RELN: variants seen among roughly 807,000 people sequenced by gnomAD.
RELN encodes the protein reelin.
A neutral mutation model predicts 427.6 loss-of-function variants in RELN; 108 were observed. That is an observed-to-expected ratio of 0.25 (90% CI 0.22 to 0.30). RELN has a LOEUF of 0.30. Ranked by LOEUF, RELN falls within the 10% of genes least tolerant of loss-of-function variation. The pLI, the probability that RELN is intolerant of heterozygous loss-of-function variation, is 1.00. For missense variants in RELN, 3,715 were observed against 4,302.8 expected, an observed-to-expected ratio of 0.86 and a Z score of 3.82; for synonymous variants, 1,524 against 1,513.4, an observed-to-expected ratio of 1.01 and a Z score of -0.16.
At chr7:103,790,153 G>A (rs977255040) in intron 3 of RELN, among the ~76,000 whole-genome samples, 10 of 152,118 alleles carry the variant, frequency 6.6e-5, no homozygotes, top group Admixed American at 5.9e-4. Flanking sequence ...ATGCCCACAG[G>A]GAGGGGAACA....
chr7:103,839,144 G>A (rs1477780333), intron 2 of RELN, among the ~76,000 whole-genome samples: 1 of 152,122 alleles, frequency 6.6e-6, no homozygotes, highest in Non-Finnish European at 1.5e-5. Flanking sequence ...TGGTGTCAAT[G>A]TACAGTTTGA....
rs147464571 is a variant in RELN at position 103,657,392 on chromosome 7, G to T, written c.1442-3187C>A. On this transcript the variant is annotated intron_variant, in intron 12 of 64. Coordinates refer to ENST00000428762, the MANE Select transcript of RELN (RefSeq NM_005045.4). ...GGATTATATATAAATACGTATATAT[G>T]ACAATATATACATATAAGGATATTT... Among the ~76,000 whole-genome samples, 37 of 151,878 alleles carry T rather than the reference G, an allele frequency of 2.4e-4. No homozygotes were observed. In the East Asian group the frequency reaches 7.2e-3, roughly 29 times the overall value.
intron 24 of RELN, among the ~76,000 whole-genome samples, chr7:103,598,468 A>G (rs147574955): frequency 8.9e-4 from 135 of 152,356 alleles, no homozygotes; most frequent in African/African-American, 3.2e-3. Flanking sequence ...ATTCCAGTCC[A>G]GCAAACTCCT....
intron 1 of RELN, among the ~76,000 whole-genome samples, chr7:103,980,600 T>C (rs1796970511): frequency 6.6e-6 from 1 of 152,216 alleles, no homozygotes; most frequent in African/African-American, 2.4e-5. Flanking sequence ...TTTGCCATCT[T>C]GGGCAAAACA....
At chr7:103,939,319 T>C (rs1796059958) in intron 1 of RELN, among the ~76,000 whole-genome samples, 1 of 152,136 alleles carries the variant, frequency 6.6e-6, no homozygotes, top group Non-Finnish European at 1.5e-5. Context: ...TTGTAGTGAT[T>C]AGATAGAAAA....
intron 5 of RELN, 108 bp from the exon 6 acceptor site, chr7:103,749,612 T>A: frequency 1.2e-6 from 1 of 800,334 alleles, no homozygotes; most frequent in Non-Finnish European, 2.2e-6. Flanking sequence ...ATCCTAAAAC[T>A]AAATTTTAAA....
At chr7:103,562,238 T>C (rs1196311475) in intron 34 of RELN, among the ~76,000 whole-genome samples, 1 of 152,236 alleles carries the variant, frequency 6.6e-6, no homozygotes, top group Non-Finnish European at 1.5e-5. Flanking sequence ...TTTTGAACTA[T>C]CCACTTGTTT....
chr7:103,795,678 T>G (rs1792282550), intron 3 of RELN, among the ~76,000 whole-genome samples: 1 of 152,196 alleles, frequency 6.6e-6, no homozygotes. Context: ...AAAGGTATAG[T>G]CAAAAGTGAA....
Position 103,513,824 on chromosome 7 carries a change from A to T in RELN, c.8119+1361T>A, listed in dbSNP as rs1005451920. 6 of 152,270 alleles carry T rather than the reference A, an allele frequency of 3.9e-5. No individual in the cohort carries two copies. The East Asian group carries it at 1.2e-3, about 29-fold the overall frequency. The allele number at this position is 152,270 out of a possible 1,614,324, so 9.4% of individuals were successfully genotyped here. A position where few individuals can be genotyped will look rare whatever the true frequency, so the allele number is the denominator to read the frequency against. On this transcript the variant is annotated intron_variant, in intron 50 of 64. Coordinates refer to ENST00000428762, the MANE Select transcript of RELN (RefSeq NM_005045.4). Reference sequence around the variant, plus strand: ...AATTTAAGACTATAATTTTGTTAAAAATATGTTTATGTAAATGCGCTAAAA... The same window carrying T: ...AATTTAAGACTATAATTTTGTTAAATATATGTTTATGTAAATGCGCTAAAA...
intron 61 of RELN, among the ~76,000 whole-genome samples, chr7:103,485,976 G>A (rs1449787688): frequency 6.6e-6 from 1 of 152,162 alleles, no homozygotes; most frequent in Non-Finnish European, 1.5e-5. Flanking sequence ...CTCAGCCACT[G>A]TGGGTGAAGA....
chr7:103,832,019 G>A (rs1270730850), intron 3 of RELN, among the ~76,000 whole-genome samples: 1 of 152,124 alleles, frequency 6.6e-6, no homozygotes, highest in Non-Finnish European at 1.5e-5. Context: ...AGAAAATGAT[G>A]GGTTTAAATA....
rs1376304186 is a variant in RELN at position 103,728,130 on chromosome 7, G to A, written c.734C>T (p.Pro245Leu). The A allele has an allele frequency of 6.2e-7, 1 of 1,613,762 alleles. No homozygotes were observed. Among genetic ancestry groups the A allele is most frequent in the Non-Finnish European group, 8.5e-7 (1 of 1,179,838 alleles). Reference protein sequence around the residue: ...MHGNAVTFCEPYGPRELITTG... With the variant: ...MHGNAVTFCELYGPRELITTG... Reference sequence around the variant, plus strand: ...ACTTACCAGTTCTCGTGGGCCATATGGTTCACAGAAGGTGACGGCATTGCC... The same window carrying A: ...ACTTACCAGTTCTCGTGGGCCATATAGTTCACAGAAGGTGACGGCATTGCC... The change falls in exon 7 of 65, where the codon CCA (proline) becomes CTA (leucine). Residue 245 changes from proline to leucine, a missense_variant. Pro to Leu is a moderately conservative substitution (Grantham distance 98). Coordinates refer to ENST00000428762, the MANE Select transcript of RELN (RefSeq NM_005045.4).
At chr7:103,484,847 G>T (rs1234815305) in intron 61 of RELN, among the ~76,000 whole-genome samples, 1 of 152,164 alleles carries the variant, frequency 6.6e-6, no homozygotes, top group African/African-American at 2.4e-5. Flanking sequence ...AACACATCTG[G>T]ATGGGGATAA....
At position 103,559,813 on chromosome 7, in the gene RELN, G is replaced by A. The variant is rs145770355; in HGVS notation, c.5529+1719C>T. On this transcript the variant is annotated intron_variant, in intron 36 of 64. Transcript: ENST00000428762. ...AGAGGAAAGGTCCCTTCTTCAGATC[G>A]TAATGAAAAAGCTTTGAGATAGACA... is the stretch of plus-strand genomic sequence containing the variant. Among the ~76,000 whole-genome samples, 89 of 152,234 alleles carry A rather than the reference G, an allele frequency of 5.8e-4. 1 individual carries two copies. In the East Asian group the frequency reaches 0.016, roughly 27 times the overall value.
At chr7:103,490,901 C>T in intron 58 of RELN, 72 bp from the exon 59 acceptor site, 1 of 1,480,208 alleles carries the variant, frequency 6.8e-7, no homozygotes, top group Non-Finnish European at 9.4e-7. Flanking sequence ...CAAGGTAATG[C>T]TTTGTGATCG....
intron 40 of RELN, among the ~76,000 whole-genome samples, chr7:103,551,747 T>C (rs1456681914): frequency 1.3e-5 from 2 of 152,192 alleles, no homozygotes; most frequent in Non-Finnish European, 2.9e-5. Context: ...CTGCAATGAA[T>C]ATTCAATATC....
chr7:103,920,307 A>C (rs1795584192), intron 1 of RELN, among the ~76,000 whole-genome samples: 1 of 152,156 alleles, frequency 6.6e-6, no homozygotes, highest in East Asian at 1.9e-4. Context: ...TAATTGGACA[A>C]ATTTTTTATA....
chr7:103,593,797 T>C lies in RELN; in HGVS notation c.3797A>G (p.Asn1266Ser). ...TGGTGTGGCAGCACAGAAGGTTTCA[T>C]TTTTAACCATTCCTTCATTAGCCAA... ...LMLANEGMVK[N>S]ETFCAATPSA... is the part of the protein sequence containing the mutation. Residue 1266 changes from asparagine to serine, a missense_variant, in exon 27 of 65, where the codon AAT (asparagine) becomes AGT (serine). Around this residue, in one of 4 missense-constraint regions of RELN, gnomAD observed 2,208 missense variants for 2,361.7 expected, o/e 0.93. Coordinates refer to ENST00000428762, the MANE Select transcript of RELN (RefSeq NM_005045.4). 6.2e-7 allele frequency: 1 copy of C among 1,613,884 alleles called. No individual in the cohort carries two copies. The highest frequency in any genetic ancestry group is 1.1e-5 in the South Asian group (1 of 91,082).
At chr7:103,859,622 T>C (rs1018709165) in intron 2 of RELN, among the ~76,000 whole-genome samples, 3 of 152,284 alleles carry the variant, frequency 2.0e-5, no homozygotes, top group East Asian at 3.9e-4. Context: ...TTACGAAGAT[T>C]TGATTAAAGA....
Sources: gnomAD v4.1 joint callset for allele counts (sites outside exome capture counted in the v4.1 genomes callset) on GRCh38, gnomAD v4.1.1 for gene constraint, gnomAD v4.1.1 regional missense constraint, MANE v1.5 for transcripts, NCBI Gene and HGNC (gene_info 2026-07-23, HGNC 2026-07-21) for gene names.